SNX29: variants seen among roughly 807,000 people sequenced by gnomAD.
The protein encoded by SNX29 is sorting nexin 29.
A neutral mutation model predicts 102.1 loss-of-function variants in SNX29; 78 were observed. That is an observed-to-expected ratio of 0.76 (90% CI 0.64 to 0.92). SNX29 has a LOEUF of 0.92. SNX29 is among the 40% of genes least tolerant of loss of function. SNX29 has a pLI of 0.00. For missense variants in SNX29, 1,280 were observed against 1,061.7 expected (o/e 1.21, Z -2.86); for synonymous variants, 580 against 414.5 (o/e 1.40, Z -4.85).
chr16:12,259,323 C>T (rs566006506), intron 14 of SNX29, among the ~76,000 whole-genome samples: 14 of 152,304 alleles, frequency 9.2e-5, no homozygotes, highest in Non-Finnish European at 1.9e-4. Flanking sequence ...GCTGCTCGTT[C>T]TACCCCGTCT....
In SNX29 at chr16:12,277,951, TTGA is replaced by T; in HGVS notation, c.1700_1702del (p.Asp567del). The T allele has an allele frequency of 6.2e-7, 1 of 1,608,484 alleles. No individual in the cohort carries two copies. The highest frequency in any genetic ancestry group is 8.5e-7 in the Non-Finnish European group (1 of 1,177,372). On this transcript the variant is annotated inframe_deletion, in exon 15 of 21. Coordinates refer to ENST00000566228, the MANE Select transcript of SNX29 (RefSeq NM_032167.5). ...TCTAAAGTGCCAAATCTTTGGAGTG[TTGA>T]TGGAGAAGTTACAGTAGCTGAACAG...
intron 20 of SNX29, among the ~76,000 whole-genome samples, chr16:12,539,487 AAAGG>A (rs1292442065): frequency 2.0e-5 from 3 of 152,214 alleles, no homozygotes; most frequent in Non-Finnish European, 4.4e-5. Context: ...ATCTAGTCAT[AAAGG>A]AATAAAGTTG....
intron 11 of SNX29, among the ~76,000 whole-genome samples, chr16:12,091,014 C>CAAAAAAAAAAAA (rs58933500): frequency 9.7e-4 from 52 of 53,402 alleles, no homozygotes; most frequent in Non-Finnish European, 1.3e-3. Flanking sequence ...GACTTCATCT[C>CAAAAAAAAAAAA]AAAAAAAAAA....
intron 14 of SNX29, among the ~76,000 whole-genome samples, chr16:12,205,914 A>G (rs1279357127): frequency 2.0e-5 from 3 of 152,250 alleles, no homozygotes; most frequent in Non-Finnish European, 4.4e-5. Flanking sequence ...TATAACATAA[A>G]TGAATATAAA....
At chr16:12,151,399 G>A (rs1597052124) in intron 13 of SNX29, among the ~76,000 whole-genome samples, 1 of 152,110 alleles carries the variant, frequency 6.6e-6, no homozygotes, top group African/African-American at 2.4e-5. Flanking sequence ...AGTGGGTTCT[G>A]ATTTTACTTT....
At chr16:12,421,086 C>A (rs1432294055) in intron 18 of SNX29, among the ~76,000 whole-genome samples, 2 of 152,154 alleles carry the variant, frequency 1.3e-5, no homozygotes, top group Admixed American at 1.3e-4. Context: ...GAAACTACGG[C>A]ACAGGAAGGT....
chr16:12,195,169 G>A (rs910018287), intron 13 of SNX29, among the ~76,000 whole-genome samples: 1 of 152,156 alleles, frequency 6.6e-6, no homozygotes, highest in Non-Finnish European at 1.5e-5. Flanking sequence ...ATATGTGTGT[G>A]TGTGTATATA....
intron 15 of SNX29, among the ~76,000 whole-genome samples, chr16:12,328,509 G>C (rs1274894113): frequency 1.3e-5 from 2 of 152,142 alleles, no homozygotes; most frequent in East Asian, 3.9e-4. Flanking sequence ...CTCTCAGCCA[G>C]GGTGAGGCTG....
At chr16:12,380,776 T>C (rs1597157354) in intron 16 of SNX29, among the ~76,000 whole-genome samples, 8 of 42,784 alleles carry the variant, frequency 1.9e-4, no homozygotes, top group Non-Finnish European at 3.3e-4. Context: ...CCACCATCCA[T>C]CCATCCACCC....
intron 20 of SNX29, among the ~76,000 whole-genome samples, chr16:12,550,341 C>G (rs2077892318): frequency 2.0e-5 from 3 of 152,070 alleles, no homozygotes; most frequent in African/African-American, 4.8e-5. Flanking sequence ...GTGAGACCAG[C>G]CTAGCCAACA....
chr16:12,347,864 G>T (rs1201718867), intron 15 of SNX29, among the ~76,000 whole-genome samples: 1 of 149,270 alleles, frequency 6.7e-6, no homozygotes, highest in Non-Finnish European at 1.5e-5. Flanking sequence ...GATTCCTTGA[G>T]TCCAGGAGTT....
chr16:12,408,457 G>C (rs965937526), intron 18 of SNX29, among the ~76,000 whole-genome samples: 1 of 152,268 alleles, frequency 6.6e-6, no homozygotes, highest in Non-Finnish European at 1.5e-5. Context: ...TTCTGTGGCC[G>C]TCCAGTATCT....
chr16:12,037,983 C>T (rs28522085), intron 4 of SNX29, among the ~76,000 whole-genome samples: 5,122 of 150,552 alleles, frequency 0.034, 290 homozygotes, highest in African/African-American at 0.12. Context: ...CAAAACAAAA[C>T]AAAACAAAAC....
At chr16:12,309,618 T>G (rs746277897) in intron 15 of SNX29, among the ~76,000 whole-genome samples, 1 of 152,134 alleles carries the variant, frequency 6.6e-6, no homozygotes, top group Non-Finnish European at 1.5e-5. Flanking sequence ...TGTCGTCACA[T>G]AGTAGGTCTT....
intron 11 of SNX29, chr16:12,095,349 C>G (rs2151421896): frequency 6.6e-6 from 1 of 152,272 alleles, no homozygotes; most frequent in Middle Eastern, 3.4e-3. Flanking sequence ...TCAGGAAGAG[C>G]CACATTGGAG....
Position 12,274,614 on chromosome 16 carries a change from G to C in SNX29, c.1679-3319G>C, listed in dbSNP as rs926601269. ...TGCAGCTATGCCATCTCAGTTCACT[G>C]CAACCTCTGCCTCCGAGGCTCAAGC... On this transcript the variant is annotated intron_variant, in intron 14 of 20. Coordinates refer to ENST00000566228, the MANE Select transcript of SNX29 (RefSeq NM_032167.5). Among the ~76,000 whole-genome samples, 10 of 150,254 alleles carry C rather than the reference G, an allele frequency of 6.7e-5. No individual in the cohort carries two copies. The Admixed American group carries it at 6.7e-4, about 10-fold the overall frequency.
At chr16:12,515,243 A>G (rs1009617114) in intron 19 of SNX29, among the ~76,000 whole-genome samples, 34 of 152,116 alleles carry the variant, frequency 2.2e-4, no homozygotes, top group African/African-American at 8.0e-4. Context: ...CTGTTTTGTA[A>G]TGATCGCTTT....
At chr16:11,985,532 C>G (rs1347840901) in intron 1 of SNX29, among the ~76,000 whole-genome samples, 2 of 152,220 alleles carry the variant, frequency 1.3e-5, no homozygotes, top group Admixed American at 6.5e-5. Context: ...CTCGTCTTTT[C>G]TCTCTGTTGG....
chr16:12,541,123 G>C (rs932463273), intron 20 of SNX29, among the ~76,000 whole-genome samples: 34 of 152,106 alleles, frequency 2.2e-4, no homozygotes, highest in African/African-American at 7.5e-4. Flanking sequence ...TTGGAGGGGA[G>C]ACACAGGGGG....
Sources: gnomAD v4.1 joint callset for allele counts (sites outside exome capture counted in the v4.1 genomes callset) on GRCh38, gnomAD v4.1.1 for gene constraint, MANE v1.5 for transcripts, NCBI Gene and HGNC (gene_info 2026-07-23, HGNC 2026-07-21) for gene names.